The following PLA2G4D variants were observed in gnomAD, a reference collection of about 807,000 sequenced individuals.
PLA2G4D encodes phospholipase A2 group IVD.
PLA2G4D carries 80 observed loss-of-function variants against 94.4 expected under a neutral mutation model. The ratio of observed to expected loss-of-function variants is 0.85; its 90% CI spans 0.71 to 1.02. The LOEUF (loss-of-function observed/expected upper bound fraction) is 1.02. Ranked by LOEUF, PLA2G4D falls within the 50% of genes least tolerant of loss-of-function variation. The pLI, the probability that PLA2G4D is intolerant of heterozygous loss-of-function variation, is 0.00. For missense variants in PLA2G4D, 1,050 were observed against 1,034.7 expected (o/e 1.01, Z -0.20); for synonymous variants, 438 against 440.9 (o/e 0.99, Z 0.08).
intron 13 of PLA2G4D, among the ~76,000 whole-genome samples, chr15:42,077,582 C>A (rs1889955455): frequency 6.6e-6 from 1 of 152,168 alleles, no homozygotes; most frequent in African/African-American, 2.4e-5. Context: ...AATCTTTGGC[C>A]CTTGTTTGAT....
At chr15:42,070,601 C>G in intron 18 of PLA2G4D, 116 bp downstream of exon 18, 1 of 1,280,224 alleles carries the variant, frequency 7.8e-7, no homozygotes, top group Non-Finnish European at 1.1e-6. Context: ...AGGCCTGACA[C>G]CTCTCCTTCC....
chr15:42,070,649 G>A, intron 18 of PLA2G4D, 68 bp downstream of exon 18: 2 of 1,483,772 alleles, frequency 1.3e-6, no homozygotes, highest in Non-Finnish European at 1.8e-6. Flanking sequence ...GGGCTCAGTG[G>A]CCCTGCTGCT....
rs374838263 is a variant in PLA2G4D at position 42,075,941 on chromosome 15, A to AGAAG, written c.1318-3553_1318-3550dup. 4.6e-3 allele frequency among the ~76,000 whole-genome samples: 687 copies of AGAAG among 148,350 alleles called. 5 individuals carry two copies. The highest frequency in any genetic ancestry group is 6.3e-3 in the South Asian group (29 of 4,640). On this transcript the variant is annotated intron_variant, in intron 13 of 19. Coordinates refer to ENST00000290472, the MANE Select transcript of PLA2G4D (RefSeq NM_178034.4). ...GGGGAGGGGAGGGGAGGGGAGAGGA[A>AGAAG]GAAGGAAGGAAGGAAGGAAGGAAGG...
In PLA2G4D at chr15:42,071,117, C is replaced by T. The variant is rs967703268; in HGVS notation, c.1876+6G>A. On this transcript the variant is annotated splice_donor_region_variant and intron_variant, in intron 17 of 19. Transcript: ENST00000290472. Reference sequence around the variant, plus strand: ...TGACCTAGGGACCCCTGGCCACGGCCCTGACCTGCCCAGGTGGAGAAGTCT... The same window carrying T: ...TGACCTAGGGACCCCTGGCCACGGCTCTGACCTGCCCAGGTGGAGAAGTCT... 3.1e-6 allele frequency: 5 copies of T among 1,608,372 alleles called. No homozygotes were observed. The highest frequency in any genetic ancestry group is 4.2e-6 in the Non-Finnish European group (5 of 1,178,416).
chr15:42,086,194 T>TGGGGGGCGC lies in PLA2G4D; in HGVS notation c.387+18_387+19insGCGCCCCCC. On this transcript the variant is annotated intron_variant, in intron 4 of 19. Coordinates refer to ENST00000290472, the MANE Select transcript of PLA2G4D (RefSeq NM_178034.4). ...GGAAGAAGTGGGGCCCACGGGGACT[T>TGGGGGGCGC]CCCCACCCACCCACCCACCTGGGGA... 7.3e-7 allele frequency: 1 copy of TGGGGGGCGC among 1,370,440 alleles called. No individual in the cohort carries two copies. Among genetic ancestry groups the TGGGGGGCGC allele is most frequent in the Non-Finnish European group, 9.6e-7 (1 of 1,043,082 alleles). The allele number at this position is 1,370,440 out of a possible 1,614,324, so 84.9% of individuals were successfully genotyped here. A position where few individuals can be genotyped will look rare whatever the true frequency, so the allele number is the denominator to read the frequency against.
At chr15:42,088,953 T>C (rs1396242004) in intron 1 of PLA2G4D, among the ~76,000 whole-genome samples, 1 of 152,176 alleles carries the variant, frequency 6.6e-6, no homozygotes, top group Non-Finnish European at 1.5e-5. Context: ...GCGGCCCTGC[T>C]GAACAACCCA....
Position 42,081,830 on chromosome 15 carries a change from G to A in PLA2G4D, c.788C>T (p.Pro263Leu). 1 of 1,614,098 alleles carries A rather than the reference G, an allele frequency of 6.2e-7. No homozygotes were observed. The highest frequency in any genetic ancestry group is 8.5e-7 in the Non-Finnish European group (1 of 1,179,998). ...VTMDVPAPNA[P>L]GVRLQLKAEG... is the part of the protein sequence containing the mutation. ...TGCCTTGAGCTGCAGCCTCACTCCT[G>A]GGGCCTGAAATCAAAGCCAGAGACT... The change falls in exon 10 of 20, where the codon CCA (proline) becomes CTA (leucine). Residue 263 changes from proline (P) to leucine (L), a missense_variant. Coordinates refer to ENST00000290472, the MANE Select transcript of PLA2G4D (RefSeq NM_178034.4).
rs530136100 is a variant in PLA2G4D, at chr15:42,081,083, G to A, written c.1008C>T (p.Thr336=). The A allele has an allele frequency of 3.1e-5, 50 of 1,614,166 alleles. No homozygotes were observed. The Admixed American group carries it at 8.3e-4, about 27-fold the overall frequency. Residue 336 remains threonine, a synonymous_variant, in exon 12 of 20, where the codon ACC becomes ACT. Coordinates refer to ENST00000290472, the MANE Select transcript of PLA2G4D (RefSeq NM_178034.4). ...AGGCCAATAGGTGGCCGTAGAGTGA[G>A]GTCATGGCCCGGGCACCTCCTCCTG... ...MATGGGARAM[T]SLYGHLLALQ... is the part of the protein sequence containing the mutation.
chr15:42,072,912 T>C, intron 13 of PLA2G4D, among the ~76,000 whole-genome samples: 1 of 152,208 alleles, frequency 6.6e-6, no homozygotes, highest in Non-Finnish European at 1.5e-5. Context: ...TCCCTCTTCT[T>C]TCTTGCTTTG....
rs775512827 is a variant in PLA2G4D at position 42,084,486 on chromosome 15, C to G, written c.471+610G>C. On this transcript the variant is annotated intron_variant, in intron 6 of 19. Transcript: ENST00000290472. The surrounding 1 kb of genome is among the most constrained non-coding windows in gnomAD (Gnocchi z 4.8). The stretch of plus-strand genomic sequence containing the variant: ...GGCTCTAGGTGCCTTCGCCCGTGAC[C>G]CTGGACCCGCCTGCTCCCAGGTCTG... Among the ~76,000 whole-genome samples the G allele has an allele frequency of 2.6e-5, 4 of 152,188 alleles. No homozygotes were observed. Among genetic ancestry groups the G allele is most frequent in the Non-Finnish European group, 4.4e-5 (3 of 68,042 alleles).
rs1889989957 is a variant in PLA2G4D, at chr15:42,079,479, C to G, written c.1317+58G>C. On this transcript the variant is annotated intron_variant, in intron 13 of 19. Transcript: ENST00000290472. ...ACGCGCATGTCAGCCGCTTGGGAGC[C>G]CTGCCTTCGCCCCCGCGGTGCACAC... The G allele has an allele frequency of 2.7e-6, 4 of 1,504,888 alleles. No homozygotes were observed. The East Asian group carries it at 1.0e-4, about 38-fold the overall frequency. 93.2% of individuals were successfully genotyped at this position (1,504,888 alleles called of 1,614,324 possible).
chr15:42,084,362 A>G lies in PLA2G4D; in HGVS notation c.472-583T>C, dbSNP rs1890099813. ...TGCCCACCTGCTGTGTGTCTCCATC[A>G]CCTCCTAAGAGGCAGTGCCATCGGC... On this transcript the variant is annotated intron_variant, in intron 6 of 19. Coordinates refer to ENST00000290472, the MANE Select transcript of PLA2G4D (RefSeq NM_178034.4). This position sits in a 1 kb window ranked among gnomAD's most constrained non-coding sequence, Gnocchi z 4.8. Among the ~76,000 whole-genome samples, 2 of 151,832 alleles carry G rather than the reference A, an allele frequency of 1.3e-5. No homozygotes were observed. The highest frequency in any genetic ancestry group is 2.4e-5 in the African/African-American group (1 of 41,322).
At chr15:42,075,785 G>C (rs558166933) in intron 13 of PLA2G4D, among the ~76,000 whole-genome samples, 1 of 152,174 alleles carries the variant, frequency 6.6e-6, no homozygotes, top group African/African-American at 2.4e-5. Flanking sequence ...TATGCGGCAG[G>C]CTGAGGCACA....
At chr15:42,087,464 G>A in intron 2 of PLA2G4D, 28 bp from the exon 3 acceptor site, 4 of 1,613,754 alleles carry the variant, frequency 2.5e-6, no homozygotes, top group Non-Finnish European at 3.4e-6. Flanking sequence ...GTCTTCGTGA[G>A]GGAGTACTCC....
intron 13 of PLA2G4D, among the ~76,000 whole-genome samples, chr15:42,074,568 A>G (rs1889883930): frequency 6.6e-6 from 1 of 152,214 alleles, no homozygotes; most frequent in South Asian, 2.1e-4. Flanking sequence ...GCGGGTTTTT[A>G]TAAAAACCTA....
chr15:42,069,279 G>A (rs772203510), intron 19 of PLA2G4D, among the ~76,000 whole-genome samples: 2 of 152,158 alleles, frequency 1.3e-5, no homozygotes, highest in Non-Finnish European at 1.5e-5. Context: ...TAGAACTCAC[G>A]GTGGAAGCAA....
intron 3 of PLA2G4D, among the ~76,000 whole-genome samples, chr15:42,087,063 T>C (rs1350792676): frequency 6.6e-6 from 1 of 152,160 alleles, no homozygotes; most frequent in African/African-American, 2.4e-5. Context: ...GTTTCATAGC[T>C]GGGCTTCGAG....
rs1176871131 is a variant in PLA2G4D, at chr15:42,081,645, G to A, written c.822-31C>T. ...GCAATGGAGGATCCAGGGGTCAGGGGACACCTGCATAGCTCAGCCACTGGC... is the reference window on the plus strand; with the variant it reads ...GCAATGGAGGATCCAGGGGTCAGGGAACACCTGCATAGCTCAGCCACTGGC... On this transcript the variant is annotated intron_variant, in intron 10 of 19. Transcript: ENST00000290472. The A allele has an allele frequency of 3.7e-6, 6 of 1,612,360 alleles. No homozygotes were observed. In the African/African-American group the frequency reaches 8.0e-5, roughly 22 times the overall value.
intron 13 of PLA2G4D, among the ~76,000 whole-genome samples, chr15:42,078,871 T>C (rs1419824043): frequency 6.6e-6 from 1 of 152,264 alleles, no homozygotes; most frequent in Non-Finnish European, 1.5e-5. Context: ...TTAATAATTG[T>C]ATCTGTGTAA....
Sources: gnomAD v4.1 joint callset for allele counts (sites outside exome capture counted in the v4.1 genomes callset) on GRCh38, gnomAD v4.1.1 for gene constraint, Gnocchi (gnomAD v3.1) non-coding constraint, MANE v1.5 for transcripts, NCBI Gene and HGNC (gene_info 2026-07-23, HGNC 2026-07-21) for gene names.